The following ZNF804A variants were observed in gnomAD, a reference collection of about 807,000 sequenced individuals.
ZNF804A encodes zinc finger protein 804A.
Under a neutral mutation model 16.5 loss-of-function variants are expected in ZNF804A, and 2 were observed. The observed-to-expected ratio is 0.12, with a 90% CI of 0.05 to 0.38. ZNF804A has a LOEUF of 0.38. Ranked by LOEUF, ZNF804A falls within the 10% of genes least tolerant of loss-of-function variation. The pLI is 0.99. For missense variants in ZNF804A, 1,473 were observed against 1,390.7 expected (o/e 1.06, Z -0.94); for synonymous variants, 534 against 489.6 (o/e 1.09, Z -1.20).
chr2:184,871,692 T>C (rs987838307), intron 2 of ZNF804A, among the ~76,000 whole-genome samples: 3 of 152,012 alleles, frequency 2.0e-5, no homozygotes, highest in Non-Finnish European at 4.4e-5. Flanking sequence ...ATGAGTTTTA[T>C]AATGAACATG....
chr2:184,921,732 C>T (rs1468266856), intron 2 of ZNF804A, among the ~76,000 whole-genome samples: 2 of 152,018 alleles, frequency 1.3e-5, no homozygotes, highest in African/African-American at 2.4e-5. Context: ...TTATTCTAAC[C>T]GTACTTTTGT....
At chr2:184,738,807 G>T (rs191060374) in intron 1 of ZNF804A, among the ~76,000 whole-genome samples, 1 of 152,114 alleles carries the variant, frequency 6.6e-6, no homozygotes, top group Admixed American at 6.5e-5. Flanking sequence ...GAAACAAGAC[G>T]TCTACAAAGC....
intron 1 of ZNF804A, among the ~76,000 whole-genome samples, chr2:184,730,113 C>G (rs1304979245): frequency 2.0e-5 from 3 of 152,112 alleles, no homozygotes; most frequent in Non-Finnish European, 4.4e-5. Context: ...TCAGCTAAAT[C>G]TCAGGGATTT....
At chr2:184,734,982 C>T (rs1693584508) in intron 1 of ZNF804A, among the ~76,000 whole-genome samples, 1 of 152,290 alleles carries the variant, frequency 6.6e-6, no homozygotes, top group South Asian at 2.1e-4. Context: ...CATAACCACT[C>T]CTGCTGCTTG....
intron 1 of ZNF804A, among the ~76,000 whole-genome samples, chr2:184,659,081 A>G (rs1692126120): frequency 6.6e-6 from 1 of 152,154 alleles, no homozygotes; most frequent in African/African-American, 2.4e-5. Flanking sequence ...AAACCCCAAT[A>G]TCAAACTAAG....
At chr2:184,710,666 A>AT (rs1390403684) in intron 1 of ZNF804A, among the ~76,000 whole-genome samples, 1 of 151,276 alleles carries the variant, frequency 6.6e-6, no homozygotes, top group African/African-American at 2.4e-5. Context: ...AGAACTCCTT[A>AT]TTTTTTTCTC....
chr2:184,889,948 AGT>A (rs1300783762), intron 2 of ZNF804A, among the ~76,000 whole-genome samples: 1 of 152,130 alleles, frequency 6.6e-6, no homozygotes, highest in African/African-American at 2.4e-5. Context: ...ATTTTTTCTA[AGT>A]GTTTTTGTAA....
intron 2 of ZNF804A, among the ~76,000 whole-genome samples, chr2:184,872,542 TA>T (rs1175668340): frequency 2.0e-5 from 3 of 152,110 alleles, no homozygotes; most frequent in African/African-American, 7.2e-5. Flanking sequence ...ATGATAAACC[TA>T]AATGATAAAC....
rs199741095 is a variant in ZNF804A, at chr2:184,938,930, T to G, written c.3534T>G (p.His1178Gln). 9.7e-5 allele frequency: 156 copies of G among 1,613,828 alleles called. No individual in the cohort carries two copies. Among genetic ancestry groups the G allele is most frequent in the Admixed American group, 2.3e-4 (14 of 59,950 alleles). The stretch of plus-strand genomic sequence containing the variant: ...CAATCATTCCAGCTTCCGTTCTTCA[T>G]CCTAGCCATCTGGCTTTCCCATCTT... ...QMPIIPASVL[H>Q]PSHLAFPSLP... Residue 1178 changes from histidine to glutamine, a missense_variant, in exon 4 of 4, where the codon CAT (histidine) becomes CAG (glutamine). Transcript: ENST00000302277.
chr2:184,824,346 A>G (rs929141164), intron 1 of ZNF804A, among the ~76,000 whole-genome samples: 9 of 152,176 alleles, frequency 5.9e-5, no homozygotes, highest in South Asian at 2.1e-4. Context: ...TATTTAAAGT[A>G]CATATCTTTG....
At chr2:184,750,240 G>T (rs1354592878) in intron 1 of ZNF804A, among the ~76,000 whole-genome samples, 3 of 151,262 alleles carry the variant, frequency 2.0e-5, no homozygotes, top group African/African-American at 7.3e-5. Context: ...CAATGAAAAT[G>T]ATCTTCACAA....
intron 1 of ZNF804A, among the ~76,000 whole-genome samples, chr2:184,778,654 G>A (rs1431686651): frequency 6.6e-6 from 1 of 151,628 alleles, no homozygotes; most frequent in East Asian, 1.9e-4. Flanking sequence ...GAAATTTTAA[G>A]GTATAACCCT....
chr2:184,894,439 A>C (rs940164211), intron 2 of ZNF804A, among the ~76,000 whole-genome samples: 1 of 151,956 alleles, frequency 6.6e-6, no homozygotes, highest in Non-Finnish European at 1.5e-5. Flanking sequence ...ACTATTAAAA[A>C]TTTTTTTATT....
intron 1 of ZNF804A, among the ~76,000 whole-genome samples, chr2:184,795,693 G>C (rs1055262675): frequency 6.6e-6 from 1 of 151,996 alleles, no homozygotes; most frequent in African/African-American, 2.4e-5. Context: ...ACCAAGAAAA[G>C]AAGAGAGAAA....
chr2:184,796,155 C>T lies in ZNF804A; in HGVS notation c.112-70214C>T, dbSNP rs116225102. 2.4e-3 allele frequency among the ~76,000 whole-genome samples: 368 copies of T among 152,138 alleles called. 5 individuals carry two copies. Among genetic ancestry groups the T allele is most frequent in the East Asian group, 0.021 (108 of 5,176 alleles). ...TAAGGATTTTAGTATCTGTGTTCATCAAGGCTATCGGTCTGTAGTTTCCTT... is the reference window on the plus strand; with the variant it reads ...TAAGGATTTTAGTATCTGTGTTCATTAAGGCTATCGGTCTGTAGTTTCCTT... On this transcript the variant is annotated intron_variant, in intron 1 of 3. Coordinates refer to ENST00000302277, the MANE Select transcript of ZNF804A (RefSeq NM_194250.2).
intron 2 of ZNF804A, among the ~76,000 whole-genome samples, chr2:184,906,743 A>G (rs1685281078): frequency 6.6e-6 from 1 of 152,208 alleles, no homozygotes; most frequent in Non-Finnish European, 1.5e-5. Flanking sequence ...TAATTTTGCG[A>G]TACAATTAAG....
chr2:184,692,048 T>G (rs926578928), intron 1 of ZNF804A, among the ~76,000 whole-genome samples: 4 of 152,204 alleles, frequency 2.6e-5, no homozygotes, highest in African/African-American at 9.6e-5. Context: ...AAGCTTGATA[T>G]GTTTTAAGGC....
In ZNF804A at chr2:184,644,668, G is replaced by A. The variant is rs1163884695; in HGVS notation, c.111+45598G>A. Among the ~76,000 whole-genome samples the A allele has an allele frequency of 2.6e-5, 4 of 151,808 alleles. No homozygotes were observed. In the South Asian group the frequency reaches 8.3e-4, roughly 31 times the overall value. Reference sequence around the variant, plus strand: ...GTTCTTAAACTACTATGTAAATGAAGATAAGACACTCTTTCAAATTCTATG... The same window carrying A: ...GTTCTTAAACTACTATGTAAATGAAAATAAGACACTCTTTCAAATTCTATG... On this transcript the variant is annotated intron_variant, in intron 1 of 3. Transcript: ENST00000302277.
intron 1 of ZNF804A, among the ~76,000 whole-genome samples, chr2:184,790,223 G>GT (rs1049177264): frequency 6.7e-5 from 10 of 149,484 alleles, no homozygotes; most frequent in South Asian, 2.1e-4. Context: ...TTGCTTTTTT[G>GT]TTTTTTTGTT....
Sources: gnomAD v4.1 joint callset for allele counts (sites outside exome capture counted in the v4.1 genomes callset) on GRCh38, gnomAD v4.1.1 for gene constraint, MANE v1.5 for transcripts, NCBI Gene and HGNC (gene_info 2026-07-23, HGNC 2026-07-21) for gene names.